Variants in PLCG1 observed in about 807,000 individuals in gnomAD.
The protein encoded by PLCG1 is phospholipase C gamma 1, also known as 1-phosphatidylinositol 4,5-bisphosphate phosphodiesterase gamma-1.
PLCG1 carries 71 observed loss-of-function variants against 177.8 expected under a neutral mutation model. The ratio of observed to expected loss-of-function variants is 0.40; its 90% CI spans 0.33 to 0.49. The LOEUF (loss-of-function observed/expected upper bound fraction) is 0.49. Ranked by LOEUF, PLCG1 falls within the 20% of genes least tolerant of loss-of-function variation. The pLI is 0.72. For missense variants in PLCG1, 1,281 were observed against 1,709.0 expected (o/e 0.75, Z 4.42); for synonymous variants, 658 against 647.9 (o/e 1.02, Z -0.24).
rs1423140208 is a variant in PLCG1, at chr20:41,172,797, A to C, written c.3199A>C (p.Ser1067Arg). Residue 1067 changes from serine (S) to arginine (R), a missense_variant, in exon 27 of 32, where the codon AGC becomes CGC. Coordinates refer to ENST00000685551, the MANE Select transcript of PLCG1 (RefSeq NM_002660.3). This position sits in a 1 kb window ranked among gnomAD's most constrained non-coding sequence, Gnocchi z 7.0. ...GCACTGTGGCTACGTGCTGCAGCCA[A>C]GCACCATGCGGGATGAGGCCTTCGA... is the stretch of plus-strand genomic sequence containing the variant. Reference protein sequence around the residue: ...GRHCGYVLQPSTMRDEAFDPF... With the variant: ...GRHCGYVLQPRTMRDEAFDPF... 1 of 1,614,214 alleles carries C rather than the reference A, an allele frequency of 6.2e-7. No homozygotes were observed.
chr20:41,162,773 C>A, intron 6 of PLCG1, 48 bp downstream of exon 6: 1 of 1,483,948 alleles, frequency 6.7e-7, no homozygotes, highest in Non-Finnish European at 9.3e-7. Context: ...TGCTCTTCCA[C>A]CCCACACCCC....
In PLCG1 at chr20:41,166,610, A is replaced by C; in HGVS notation, c.2120+15A>C. 1 of 1,614,116 alleles carries C rather than the reference A, an allele frequency of 6.2e-7. No individual in the cohort carries two copies. The highest frequency in any genetic ancestry group is 1.3e-5 in the African/African-American group (1 of 75,044). On this transcript the variant is annotated intron_variant, in intron 18 of 31. Coordinates refer to ENST00000685551, the MANE Select transcript of PLCG1 (RefSeq NM_002660.3). This position sits in a 1 kb window ranked among gnomAD's most constrained non-coding sequence, Gnocchi z 8.6. Reference sequence around the variant, plus strand: ...ATCTCTTTCCGGTGAGGGGTGTGGCACTGGGTTGTGGGGCCTTGCTTGGGT... The same window carrying C: ...ATCTCTTTCCGGTGAGGGGTGTGGCCCTGGGTTGTGGGGCCTTGCTTGGGT...
Position 41,163,357 on chromosome 20 carries a change from C to T in PLCG1, c.790-21C>T. ...CCTGACTGGAGGCTTCTCTCATCCCCTGCCCTCCCTACCCCATCAGGAGCT... is the reference window on the plus strand; with the variant it reads ...CCTGACTGGAGGCTTCTCTCATCCCTTGCCCTCCCTACCCCATCAGGAGCT... On this transcript the variant is annotated intron_variant, in intron 8 of 31. Coordinates refer to ENST00000685551, the MANE Select transcript of PLCG1 (RefSeq NM_002660.3). This position sits in a 1 kb window ranked among gnomAD's most constrained non-coding sequence, Gnocchi z 5.2. 1.9e-6 allele frequency: 3 copies of T among 1,606,272 alleles called. No homozygotes were observed. Among genetic ancestry groups the T allele is most frequent in the African/African-American group, 2.7e-5 (2 of 74,850 alleles).
chr20:41,138,096 G>T (rs779071507), intron 1 of PLCG1: 38 of 359,580 alleles, frequency 1.1e-4, no homozygotes, highest in Non-Finnish European at 1.6e-4. Flanking sequence ...GAGTGTTCCA[G>T]GCGCTTTGCC....
At position 41,144,180 on chromosome 20, in the gene PLCG1, C is replaced by G. The variant is rs566406639; in HGVS notation, c.217+6322C>G. On this transcript the variant is annotated intron_variant, in intron 1 of 31. Transcript: ENST00000685551. The surrounding 1 kb of genome is among the most constrained non-coding windows in gnomAD (Gnocchi z 4.1). ...TCCATGGAGGGCAGGAGTTACTATCCCTCTCTTACAGAGGAGAAAACCAAG... is the reference window on the plus strand; with the variant it reads ...TCCATGGAGGGCAGGAGTTACTATCGCTCTCTTACAGAGGAGAAAACCAAG... 6.6e-6 allele frequency among the ~76,000 whole-genome samples: 1 copy of G among 152,142 alleles called. No homozygotes were observed. The highest frequency in any genetic ancestry group is 2.4e-5 in the African/African-American group (1 of 41,416).
At chr20:41,171,586 CAAAAAAAAA>C (rs71844995) in intron 24 of PLCG1, among the ~76,000 whole-genome samples, 1 of 64,096 alleles carries the variant, frequency 1.6e-5, no homozygotes, top group Non-Finnish European at 2.9e-5. Flanking sequence ...GACTCTGTCT[CAAAAAAAAA>C]AAAAAAAAAA....
chr20:41,155,830 C>A (rs2035304412), intron 1 of PLCG1, among the ~76,000 whole-genome samples: 1 of 152,126 alleles, frequency 6.6e-6, no homozygotes, highest in Admixed American at 6.5e-5. Context: ...CTCACAGCAA[C>A]CATGTGAGGT....
rs774681610 is a variant in PLCG1, at chr20:41,170,155, C to T, written c.2694C>T (p.Ser898=). 5.0e-6 allele frequency: 8 copies of T among 1,613,908 alleles called. No homozygotes were observed. Among genetic ancestry groups the T allele is most frequent in the Non-Finnish European group, 5.9e-6 (7 of 1,179,930 alleles). The change falls in exon 24 of 32, where the codon TCC becomes TCT. Residue 898 remains serine, a synonymous_variant. Transcript: ENST00000685551. ...EGKNNRLFVF[S]ISMASVAHWS... is the part of the protein sequence containing the mutation. Reference sequence around the variant, plus strand: ...AGAACAACCGGCTCTTCGTCTTCTCCATCAGCATGGCGTCGGTGGCCCACT... The same window carrying T: ...AGAACAACCGGCTCTTCGTCTTCTCTATCAGCATGGCGTCGGTGGCCCACT...
chr20:41,163,205 C>A lies in PLCG1; in HGVS notation c.719C>A (p.Ala240Asp). The A allele has an allele frequency of 6.5e-7, 1 of 1,545,416 alleles. No homozygotes were observed. ...LPFLEASTLR[A>D]GERPELCRVS... ...TAGCTTACCTTCTCTCCCTGCAGGG[C>A]TGGGGAGCGGCCGGAGCTTTGCCGA... The change falls in exon 8 of 32, where the codon GCT (alanine) becomes GAT (aspartate). Residue 240 changes from alanine (A) to aspartate (D), a missense_variant and splice_region_variant. Physicochemically the swap from Ala to Asp is moderately radical, Grantham distance 126 (BLOSUM62 -2). This residue lies in a region of PLCG1 where 374 missense variants were observed against 443.8 expected (regional missense o/e 0.84). Transcript: ENST00000685551. This position sits in a 1 kb window ranked among gnomAD's most constrained non-coding sequence, Gnocchi z 5.2.
rs777499307 is a variant in PLCG1 at position 41,164,927 on chromosome 20, CCG to C, written c.1218-4_1218-3del. On this transcript the variant is annotated splice_polypyrimidine_tract_variant and splice_region_variant and intron_variant, in intron 12 of 31. Coordinates refer to ENST00000685551, the MANE Select transcript of PLCG1 (RefSeq NM_002660.3). The surrounding 1 kb of genome is among the most constrained non-coding windows in gnomAD (Gnocchi z 6.4). Reference sequence around the variant, plus strand: ...TGTTTCACTGTGCTTGTCCCCCATCCCGCAGGTACCCAGTCATCCTGTCCATT... The same window carrying C: ...TGTTTCACTGTGCTTGTCCCCCATCCCAGGTACCCAGTCATCCTGTCCATT... 4 of 1,612,330 alleles carry C rather than the reference CCG, an allele frequency of 2.5e-6. No individual in the cohort carries two copies. In the South Asian group the frequency reaches 4.4e-5, roughly 18 times the overall value.
intron 1 of PLCG1, among the ~76,000 whole-genome samples, chr20:41,155,715 A>G (rs1042657376): frequency 6.6e-6 from 1 of 152,106 alleles, no homozygotes; most frequent in Non-Finnish European, 1.5e-5. Context: ...ATTTGTCTCC[A>G]CTACTGCCAG....
In PLCG1 at chr20:41,160,408, C is replaced by T. The variant is rs1242685584; in HGVS notation, c.512+255C>T. Among the ~76,000 whole-genome samples, 2 of 152,206 alleles carry T rather than the reference C, an allele frequency of 1.3e-5. No homozygotes were observed. The highest frequency in any genetic ancestry group is 2.4e-5 in the African/African-American group (1 of 41,444). On this transcript the variant is annotated intron_variant, in intron 4 of 31. Coordinates refer to ENST00000685551, the MANE Select transcript of PLCG1 (RefSeq NM_002660.3). The surrounding 1 kb of genome is among the most constrained non-coding windows in gnomAD (Gnocchi z 5.5). Reference sequence around the variant, plus strand: ...ATGGGCAGAGACTGGATGTGTAGAACTGGCTTTGGGTGTCCTGGAGGTGAG... The same window carrying T: ...ATGGGCAGAGACTGGATGTGTAGAATTGGCTTTGGGTGTCCTGGAGGTGAG...
At position 41,163,313 on chromosome 20, in the gene PLCG1, G is replaced by GT. The variant is rs774762642; in HGVS notation, c.789+39dup. The GT allele has an allele frequency of 6.3e-7, 1 of 1,595,864 alleles. No individual in the cohort carries two copies. Among genetic ancestry groups the GT allele is most frequent in the Non-Finnish European group, 8.6e-7 (1 of 1,168,036 alleles). On this transcript the variant is annotated intron_variant, in intron 8 of 31. Coordinates refer to ENST00000685551, the MANE Select transcript of PLCG1 (RefSeq NM_002660.3). This position sits in a 1 kb window ranked among gnomAD's most constrained non-coding sequence, Gnocchi z 5.2. ...TGACATTGGCCCAGGCTGGTAGGTT[G>GT]TGGGGGGCTGGGCTCATCCCTGACT... is the stretch of plus-strand genomic sequence containing the variant.
chr20:41,169,167 G>C lies in PLCG1; in HGVS notation c.2572G>C (p.Glu858Gln). The C allele has an allele frequency of 6.2e-7, 1 of 1,610,236 alleles. No individual in the cohort carries two copies. Among genetic ancestry groups the C allele is most frequent in the Non-Finnish European group, 8.5e-7 (1 of 1,176,446 alleles). Residue 858 changes from glutamate to glutamine, a missense_variant, in exon 22 of 32, where the codon GAG (glutamate) becomes CAG (glutamine). Glu to Gln is a conservative substitution (Grantham distance 29, BLOSUM62 2). Transcript: ENST00000685551. ...GGTCAACCCCGTGGCCCTGGAGCCGGAGAGGGAGGTAAGACCAGAACCACC... is the reference window on the plus strand; with the variant it reads ...GGTCAACCCCGTGGCCCTGGAGCCGCAGAGGGAGGTAAGACCAGAACCACC... The part of the protein sequence containing the change: ...EMVNPVALEP[E>Q]REHLDENSPL...
At position 41,166,304 on chromosome 20, in the gene PLCG1, C is replaced by T. The variant is rs755200322; in HGVS notation, c.1910C>T (p.Thr637Met). The stretch of plus-strand genomic sequence containing the variant: ...TTTGACTCCCTCTATGACCTCATCA[C>T]GCACTACCAGCAGGTGCCCCTGCGC... ...LVFDSLYDLITHYQQVPLRCN... is the reference protein window; with the variant it reads ...LVFDSLYDLIMHYQQVPLRCN... Residue 637 changes from threonine to methionine, a missense_variant, in exon 17 of 32, where the codon ACG becomes ATG. Physicochemically the swap from Thr to Met is moderately conservative, Grantham distance 81. This residue lies in a region of PLCG1 where 723 missense variants were observed against 1,030.0 expected (regional missense o/e 0.70). Coordinates refer to ENST00000685551, the MANE Select transcript of PLCG1 (RefSeq NM_002660.3). The surrounding 1 kb of genome is among the most constrained non-coding windows in gnomAD (Gnocchi z 8.6). The T allele has an allele frequency of 2.5e-5, 40 of 1,614,036 alleles. 1 individual carries two copies. In the South Asian group the frequency reaches 4.1e-4, roughly 16 times the overall value.
At chr20:41,145,845 G>A (rs1823108790) in intron 1 of PLCG1, among the ~76,000 whole-genome samples, 1 of 152,166 alleles carries the variant, frequency 6.6e-6, no homozygotes. Context: ...TTGCATTCCT[G>A]GCTAAGCCCT....
rs941631729 is a variant in PLCG1, at chr20:41,165,955, A to T, written c.1799+129A>T. The T allele has an allele frequency of 1.2e-5, 10 of 804,894 alleles. No homozygotes were observed. The highest frequency in any genetic ancestry group is 2.8e-5 in the Admixed American group (1 of 36,298). The allele number at this position is 804,894 out of a possible 1,614,324, so 49.9% of individuals were successfully genotyped here. A position where few individuals can be genotyped will look rare whatever the true frequency, so the allele number is the denominator to read the frequency against. ...ATAATTAGGCTTTACATGGAACATA[A>T]TTTCACCTACATACACACACACACT... On this transcript the variant is annotated intron_variant, in intron 16 of 31. Transcript: ENST00000685551. The surrounding 1 kb of genome is among the most constrained non-coding windows in gnomAD (Gnocchi z 6.6).
intron 1 of PLCG1, among the ~76,000 whole-genome samples, chr20:41,142,551 A>G (rs1203268763): frequency 6.6e-6 from 1 of 152,146 alleles, no homozygotes; most frequent in Non-Finnish European, 1.5e-5. Context: ...TTGCTGAGGC[A>G]GGGTGGGGAT....
At position 41,173,618 on chromosome 20, in the gene PLCG1, G is replaced by A. The variant is rs746815405; in HGVS notation, c.3395-34G>A. 12 of 1,614,044 alleles carry A rather than the reference G, an allele frequency of 7.4e-6. No homozygotes were observed. Among genetic ancestry groups the A allele is most frequent in the Middle Eastern group, 1.6e-4 (1 of 6,062 alleles). ...CACCAGTCATCCCATCCTCTCCCAC[G>A]GTGACCTGAAGCCTTTTGTCGTTGC... On this transcript the variant is annotated intron_variant, in intron 28 of 31. Coordinates refer to ENST00000685551, the MANE Select transcript of PLCG1 (RefSeq NM_002660.3). This position sits in a 1 kb window ranked among gnomAD's most constrained non-coding sequence, Gnocchi z 6.2.
Sources: allele counts gnomAD v4.1 joint callset (sites outside exome capture counted in the v4.1 genomes callset), GRCh38; gene constraint gnomAD v4.1.1; regional missense constraint gnomAD v4.1.1; non-coding constraint Gnocchi (gnomAD v3.1); transcripts MANE v1.5; gene names NCBI Gene and HGNC (gene_info 2026-07-23, HGNC 2026-07-21).